The following KCNH8 variants were observed in gnomAD, a reference collection of about 807,000 sequenced individuals.
The protein encoded by KCNH8 is voltage-gated delayed rectifier potassium channel KCNH8.
Under a neutral mutation model 103.6 loss-of-function variants are expected in KCNH8, and 70 were observed. The observed-to-expected ratio is 0.68, with a 90% CI of 0.56 to 0.82. The LOEUF (loss-of-function observed/expected upper bound fraction) is 0.82. Among genes scored for constraint, KCNH8 ranks in the 40% least tolerant of loss-of-function variants. KCNH8 has a pLI of 0.00. For missense variants in KCNH8, 1,217 were observed against 1,329.9 expected, an observed-to-expected ratio of 0.92 and a Z score of 1.32; for synonymous variants, 498 against 489.4, an observed-to-expected ratio of 1.02 and a Z score of -0.23.
intron 5 of KCNH8, among the ~76,000 whole-genome samples, chr3:19,368,817 G>A (rs528612764): frequency 3.9e-5 from 6 of 151,960 alleles, no homozygotes; most frequent in African/African-American, 1.4e-4. Flanking sequence ...TAAAACAGAT[G>A]GTCTCGTCAA....
chr3:19,517,226 T>G (rs2068889746), intron 14 of KCNH8, among the ~76,000 whole-genome samples: 1 of 152,080 alleles, frequency 6.6e-6, no homozygotes, highest in Non-Finnish European at 1.5e-5. Flanking sequence ...GTATATGACC[T>G]TCAATCATTC....
At chr3:19,246,746 T>A (rs1441908414) in intron 1 of KCNH8, among the ~76,000 whole-genome samples, 7 of 152,060 alleles carry the variant, frequency 4.6e-5, no homozygotes. Context: ...TTCTAAAGAA[T>A]CATCTCAAAC....
At chr3:19,450,540 G>A (rs2067431765) in intron 9 of KCNH8, 1 of 513,340 alleles carries the variant, frequency 1.9e-6, no homozygotes, top group African/African-American at 1.9e-5. Context: ...ATTCGATCAG[G>A]TGGATTTATT....
intron 11 of KCNH8, among the ~76,000 whole-genome samples, chr3:19,470,312 A>G (rs1000236131): frequency 1.3e-5 from 2 of 152,242 alleles, no homozygotes; most frequent in Non-Finnish European, 2.9e-5. Flanking sequence ...GAACTCTTAC[A>G]GTCAGGCTCT....
intron 5 of KCNH8, among the ~76,000 whole-genome samples, chr3:19,350,832 A>G (rs2125322154): frequency 6.6e-6 from 1 of 152,276 alleles, no homozygotes; most frequent in East Asian, 1.9e-4. Flanking sequence ...TTCTCCTCCA[A>G]AGGAACGCAC....
At chr3:19,180,902 G>C (rs2063446199) in intron 1 of KCNH8, among the ~76,000 whole-genome samples, 1 of 152,026 alleles carries the variant, frequency 6.6e-6, no homozygotes, top group East Asian at 1.9e-4. Context: ...CACAGAGAAA[G>C]GATATTGGTC....
intron 7 of KCNH8, among the ~76,000 whole-genome samples, chr3:19,407,510 C>T (rs2066710519): frequency 6.6e-6 from 1 of 152,074 alleles, no homozygotes. Context: ...TGAGTTGCCC[C>T]ACCCCTCCTG....
At chr3:19,340,357 A>ATTTTTTTTTTTTT (rs33979047) in intron 3 of KCNH8, among the ~76,000 whole-genome samples, 1 of 143,938 alleles carries the variant, frequency 6.9e-6, no homozygotes, top group Non-Finnish European at 1.5e-5. Context: ...TTTTTTTTTA[A>ATTTTTTTTTTTTT]TTTTTTTTTT....
chr3:19,261,555 T>G (rs181345405), intron 2 of KCNH8, among the ~76,000 whole-genome samples: 6 of 151,908 alleles, frequency 3.9e-5, no homozygotes, highest in Non-Finnish European at 7.4e-5. Context: ...ACCTTTTCAT[T>G]TTGTTGACTG....
In KCNH8 at chr3:19,460,332, G is replaced by A. The variant is rs576154417; in HGVS notation, c.2040+3350G>A. ...TCCATCTCCCCAACACCACGTGACT[G>A]CTGAAATCTCTATCCTGTAATTTAG... On this transcript the variant is annotated intron_variant, in intron 11 of 15. Coordinates refer to ENST00000328405, the MANE Select transcript of KCNH8 (RefSeq NM_144633.3). Among the ~76,000 whole-genome samples, 3 of 152,198 alleles carry A rather than the reference G, an allele frequency of 2.0e-5. No homozygotes were observed. The East Asian group carries it at 5.8e-4, about 29-fold the overall frequency.
intron 11 of KCNH8, among the ~76,000 whole-genome samples, chr3:19,508,648 T>C (rs150270779): frequency 5.9e-5 from 9 of 152,286 alleles, no homozygotes; most frequent in African/African-American, 2.2e-4. Context: ...GAGCTCTTAC[T>C]ACTCAAAATG....
intron 1 of KCNH8, among the ~76,000 whole-genome samples, chr3:19,213,774 A>G (rs1317238814): frequency 6.6e-6 from 1 of 152,192 alleles, no homozygotes; most frequent in Non-Finnish European, 1.5e-5. Context: ...AGAGGGTGCT[A>G]GAGGGACAAT....
intron 7 of KCNH8, among the ~76,000 whole-genome samples, chr3:19,396,276 C>G (rs552784502): frequency 3.9e-5 from 6 of 152,138 alleles, no homozygotes; most frequent in South Asian, 2.1e-4. Flanking sequence ...CATACCAGCA[C>G]TTAATGGCTG....
chr3:19,155,452 C>T (rs1328552638), intron 1 of KCNH8, among the ~76,000 whole-genome samples: 1 of 152,178 alleles, frequency 6.6e-6, no homozygotes, highest in Non-Finnish European at 1.5e-5. Flanking sequence ...TGTTCAGTTT[C>T]CATTGTTCCC....
intron 11 of KCNH8, 114 bp from the exon 12 acceptor site, chr3:19,510,249 C>G: frequency 1.4e-6 from 1 of 705,000 alleles, no homozygotes; most frequent in Non-Finnish European, 2.6e-6. Flanking sequence ...TTCCTGTGCT[C>G]CTTCCCTCCC....
At chr3:19,484,029 C>T (rs184490297) in intron 11 of KCNH8, among the ~76,000 whole-genome samples, 20 of 152,182 alleles carry the variant, frequency 1.3e-4, no homozygotes, top group Admixed American at 5.9e-4. Flanking sequence ...AAGAGAGTCA[C>T]ATTTCCTTTC....
At chr3:19,374,948 G>T (rs1366096151) in intron 5 of KCNH8, among the ~76,000 whole-genome samples, 1 of 151,926 alleles carries the variant, frequency 6.6e-6, no homozygotes, top group Non-Finnish European at 1.5e-5. Flanking sequence ...CTCTCTTCTG[G>T]CTTGTAGGGT....
intron 11 of KCNH8, among the ~76,000 whole-genome samples, chr3:19,500,190 G>T (rs1265825304): frequency 6.6e-6 from 1 of 152,164 alleles, no homozygotes; most frequent in Non-Finnish European, 1.5e-5. Flanking sequence ...AAGAGACAAA[G>T]AACGCCATTA....
intron 1 of KCNH8, among the ~76,000 whole-genome samples, chr3:19,162,985 AT>A (rs2063248602): frequency 6.6e-6 from 1 of 152,030 alleles, no homozygotes; most frequent in South Asian, 2.1e-4. Context: ...CATAGATAAT[AT>A]TTTTTCAATT....
Sources: allele counts gnomAD v4.1 joint callset (sites outside exome capture counted in the v4.1 genomes callset), GRCh38; gene constraint gnomAD v4.1.1; transcripts MANE v1.5; gene names NCBI Gene and HGNC (gene_info 2026-07-23, HGNC 2026-07-21).